IQCM: variants seen among roughly 807,000 people sequenced by gnomAD.
IQCM encodes the protein IQ domain-containing protein M.
IQCM carries 45 observed loss-of-function variants against 57.6 expected under a neutral mutation model. The ratio of observed to expected loss-of-function variants is 0.78; its 90% CI spans 0.62 to 1.00. IQCM has a LOEUF of 1.00. Ranked by LOEUF, IQCM falls within the 50% of genes least tolerant of loss-of-function variation. The probability of loss-of-function intolerance (pLI) is 0.00; values close to 1 mark genes in which losing one functional copy is unlikely to be tolerated. For synonymous variants in IQCM, 148 were observed against 158.9 expected (o/e 0.93, Z 0.51); for missense variants, 468 against 511.6 (o/e 0.91, Z 0.82).
At chr4:149,755,183 C>T (rs1171330747) in intron 2 of IQCM, among the ~76,000 whole-genome samples, 1 of 152,174 alleles carries the variant, frequency 6.6e-6, no homozygotes, top group Non-Finnish European at 1.5e-5. Context: ...TCCTAAGTGG[C>T]CTAGTTCTAC....
intron 12 of IQCM, among the ~76,000 whole-genome samples, chr4:149,544,415 A>G (rs1748176142): frequency 6.6e-6 from 1 of 152,174 alleles, no homozygotes; most frequent in Non-Finnish European, 1.5e-5. Flanking sequence ...AATTGAAGAC[A>G]CAAATAATTG....
At chr4:149,489,565 A>T (rs950554276) in intron 12 of IQCM, among the ~76,000 whole-genome samples, 6 of 152,060 alleles carry the variant, frequency 3.9e-5, no homozygotes, top group African/African-American at 1.4e-4. Context: ...TTAATTCACC[A>T]GTGATAATGA....
At chr4:149,797,271 G>C (rs932568223) in intron 2 of IQCM, among the ~76,000 whole-genome samples, 1 of 152,086 alleles carries the variant, frequency 6.6e-6, no homozygotes, top group African/African-American at 2.4e-5. Flanking sequence ...AAAGGCATTT[G>C]GCATAATGAA....
At chr4:149,729,888 T>C (rs987632861) in intron 5 of IQCM, among the ~76,000 whole-genome samples, 2 of 152,176 alleles carry the variant, frequency 1.3e-5, no homozygotes, top group African/African-American at 2.4e-5. Context: ...AGACCCTAAG[T>C]ACCTAGTATC....
intron 5 of IQCM, among the ~76,000 whole-genome samples, chr4:149,714,798 A>G (rs1764855201): frequency 6.6e-6 from 1 of 152,188 alleles, no homozygotes; most frequent in African/African-American, 2.4e-5. Context: ...ATATGGCAAC[A>G]ACCAAGCTGA....
At chr4:149,445,528 T>C (rs1736414639) in intron 12 of IQCM, among the ~76,000 whole-genome samples, 1 of 151,784 alleles carries the variant, frequency 6.6e-6, no homozygotes, top group South Asian at 2.1e-4. Flanking sequence ...CCTGGTAAGA[T>C]CAAATATACA....
intron 13 of IQCM, among the ~76,000 whole-genome samples, chr4:149,384,502 C>G (rs939128887): frequency 3.3e-5 from 5 of 152,038 alleles, no homozygotes; most frequent in Non-Finnish European, 7.4e-5. Context: ...ACTAAACAAC[C>G]CTTACTTTAC....
intron 12 of IQCM, among the ~76,000 whole-genome samples, chr4:149,502,516 A>C (rs1743358570): frequency 6.6e-6 from 1 of 152,068 alleles, no homozygotes; most frequent in South Asian, 2.1e-4. Flanking sequence ...AACAAAACAA[A>C]ACAAAAAACT....
chr4:149,581,209 T>C (rs1452967830), intron 9 of IQCM, among the ~76,000 whole-genome samples: 1 of 151,622 alleles, frequency 6.6e-6, no homozygotes, highest in African/African-American at 2.4e-5. Context: ...GAGGAAAATG[T>C]GACAAGAAGC....
chr4:149,698,003 G>A (rs1215994273), intron 5 of IQCM, among the ~76,000 whole-genome samples: 3 of 152,054 alleles, frequency 2.0e-5, no homozygotes, highest in Non-Finnish European at 2.9e-5. Context: ...ATTTATTAGT[G>A]TGTTTACTAG....
intron 7 of IQCM, among the ~76,000 whole-genome samples, chr4:149,632,208 T>G (rs180780834): frequency 1.3e-5 from 2 of 152,310 alleles, no homozygotes; most frequent in East Asian, 3.9e-4. Context: ...CTAAAGGAAA[T>G]TTCTACAGGT....
chr4:149,461,719 G>C (rs1276650814), intron 12 of IQCM, among the ~76,000 whole-genome samples: 1 of 150,990 alleles, frequency 6.6e-6, no homozygotes, highest in South Asian at 2.1e-4. Context: ...ACCTTTGATT[G>C]TCTTTTCAAT....
chr4:149,602,589 A>G (rs971472783), intron 8 of IQCM, among the ~76,000 whole-genome samples: 2 of 151,842 alleles, frequency 1.3e-5, no homozygotes, highest in African/African-American at 2.4e-5. Context: ...TTAATTTCTT[A>G]TTTTCTATTT....
rs571439944 is a variant in IQCM at position 149,761,232 on chromosome 4, C to T, written c.-48-18493G>A. Among the ~76,000 whole-genome samples, 375 of 152,160 alleles carry T rather than the reference C, an allele frequency of 2.5e-3. 1 individual carries two copies. The highest frequency in any genetic ancestry group is 8.4e-3 in the African/African-American group (350 of 41,534). On this transcript the variant is annotated intron_variant, in intron 2 of 13. Coordinates refer to ENST00000636793, the MANE Select transcript of IQCM (RefSeq NM_001363507.2). ...AAAAAATCATAAAAATCCCCTTAAT[C>T]GTGGATCTATTTATGGATCTCTTTT...
chr4:149,394,356 T>G (rs1431314460), intron 13 of IQCM, among the ~76,000 whole-genome samples: 1 of 152,038 alleles, frequency 6.6e-6, no homozygotes, highest in Non-Finnish European at 1.5e-5. Flanking sequence ...CTAATTTTCT[T>G]ATATTTTGTT....
chr4:149,607,672 CTT>C (rs1217054256), intron 8 of IQCM, among the ~76,000 whole-genome samples: 2 of 151,890 alleles, frequency 1.3e-5, no homozygotes, highest in Non-Finnish European at 2.9e-5. Context: ...TTAGTTTTCT[CTT>C]TGTTTTCTTT....
At chr4:149,675,322 A>G (rs1761657049) in intron 7 of IQCM, among the ~76,000 whole-genome samples, 1 of 151,980 alleles carries the variant, frequency 6.6e-6, no homozygotes, top group Non-Finnish European at 1.5e-5. Context: ...AGGGAAGACA[A>G]AGGGAGAATG....
chr4:149,488,666 G>A (rs1477240442), intron 12 of IQCM, among the ~76,000 whole-genome samples: 1 of 152,054 alleles, frequency 6.6e-6, no homozygotes, highest in African/African-American at 2.4e-5. Context: ...AGTCAGATAT[G>A]ACCCAAAAAG....
chr4:149,755,317 T>A lies in IQCM; in HGVS notation c.-48-12578A>T, dbSNP rs117241069. ...CCTTCCAGTAACAATGGAGTAAATA[T>A]AGAAGTCACCATGTCCCCACACACC... is the stretch of plus-strand genomic sequence containing the variant. On this transcript the variant is annotated intron_variant, in intron 2 of 13. Coordinates refer to ENST00000636793, the MANE Select transcript of IQCM (RefSeq NM_001363507.2). Among the ~76,000 whole-genome samples the A allele has an allele frequency of 7.9e-5, 12 of 152,220 alleles. No homozygotes were observed. The East Asian group carries it at 2.3e-3, about 30-fold the overall frequency.
Sources: gnomAD v4.1 joint callset for allele counts (sites outside exome capture counted in the v4.1 genomes callset) on GRCh38, gnomAD v4.1.1 for gene constraint, MANE v1.5 for transcripts, NCBI Gene and HGNC (gene_info 2026-07-23, HGNC 2026-07-21) for gene names.